PDE11A: variants seen among roughly 807,000 people sequenced by gnomAD.
PDE11A encodes dual 3',5'-cyclic-AMP and -GMP phosphodiesterase 11A.
Under a neutral mutation model 100.5 loss-of-function variants are expected in PDE11A, and 100 were observed. The ratio of observed to expected loss-of-function variants is 1.00; its 90% CI spans 0.85 to 1.18. The LOEUF is 1.18. PDE11A is among the 50% of genes most tolerant of loss of function. The pLI, the probability that PDE11A is intolerant of heterozygous loss-of-function variation, is 0.00. For missense variants in PDE11A, 1,141 were observed against 1,152.6 expected, an observed-to-expected ratio of 0.99 and a Z score of 0.15; for synonymous variants, 381 against 420.8, an observed-to-expected ratio of 0.91 and a Z score of 1.16.
chr2:178,037,702 TG>T (rs1048647504), intron 1 of PDE11A, among the ~76,000 whole-genome samples: 7 of 152,136 alleles, frequency 4.6e-5, no homozygotes, highest in Admixed American at 1.3e-4. Flanking sequence ...TAAAAAAGAA[TG>T]AATTCATGTC....
At chr2:177,742,823 G>C (rs1169113747) in intron 10 of PDE11A, among the ~76,000 whole-genome samples, 1 of 152,204 alleles carries the variant, frequency 6.6e-6, no homozygotes, top group Non-Finnish European at 1.5e-5. Flanking sequence ...CTGAAGAAAA[G>C]CTCCATTTCC....
intron 2 of PDE11A, among the ~76,000 whole-genome samples, chr2:178,100,993 TA>T (rs372769617): frequency 6.6e-6 from 1 of 152,250 alleles, no homozygotes; most frequent in East Asian, 1.9e-4. Flanking sequence ...GAAGATGAGT[TA>T]AAAACTGATC....
chr2:177,910,412 G>GTC (rs72413223), intron 2 of PDE11A, among the ~76,000 whole-genome samples: 16 of 146,036 alleles, frequency 1.1e-4, no homozygotes, highest in East Asian at 4.0e-4. Context: ...CTCTCTCTCT[G>GTC]TCTCTCTCTC....
intron 2 of PDE11A, among the ~76,000 whole-genome samples, chr2:177,914,424 T>C (rs1475057999): frequency 6.6e-6 from 1 of 152,160 alleles, no homozygotes; most frequent in African/African-American, 2.4e-5. Flanking sequence ...TGTGAAGATC[T>C]TTTACAAAGA....
intron 12 of PDE11A, among the ~76,000 whole-genome samples, chr2:177,712,498 G>C (rs531441646): frequency 1.3e-5 from 2 of 152,294 alleles, no homozygotes; most frequent in Admixed American, 1.3e-4. Flanking sequence ...GCATGTCATG[G>C]ACACCAGAAT....
intron 19 of PDE11A, among the ~76,000 whole-genome samples, chr2:177,659,780 CTT>C (rs111759646): frequency 0.053 from 7,817 of 148,630 alleles, 654 homozygotes; most frequent in African/African-American, 0.18. Flanking sequence ...CCTTCTTCTT[CTT>C]TTTTTTTTTC....
intron 18 of PDE11A, among the ~76,000 whole-genome samples, chr2:177,667,784 G>C (rs561576653): frequency 6.6e-6 from 1 of 152,278 alleles, no homozygotes; most frequent in East Asian, 1.9e-4. Flanking sequence ...CCGACACATG[G>C]AGGCACTCAG....
intron 5 of PDE11A, among the ~76,000 whole-genome samples, chr2:177,862,442 C>G (rs1329481829): frequency 6.6e-6 from 1 of 151,778 alleles, no homozygotes; most frequent in East Asian, 1.9e-4. Context: ...TCTGGAATCT[C>G]CTAAGATTCC....
At chr2:178,074,530 T>C (rs1006640328), upstream of PDE11A, among the ~76,000 whole-genome samples, 5 of 152,100 alleles carry the variant, frequency 3.3e-5, no homozygotes, top group African/African-American at 1.2e-4. Flanking sequence ...GTGAGAGAAG[T>C]AGACCAACCC....
chr2:177,912,157 C>A (rs1277417559), intron 2 of PDE11A, among the ~76,000 whole-genome samples: 1 of 152,096 alleles, frequency 6.6e-6, no homozygotes, highest in Non-Finnish European at 1.5e-5. Context: ...CAGAACACAT[C>A]CTAAAGCGTG....
intron 4 of PDE11A, among the ~76,000 whole-genome samples, chr2:177,881,372 TATCTATCTATCTATCC>T (rs896087398): frequency 2.0e-5 from 3 of 151,846 alleles, no homozygotes; most frequent in Admixed American, 1.3e-4. Flanking sequence ...TCTATCTATC[TATCTATCTATCTATCC>T]ATCTATCTAT....
chr2:177,761,618 G>T (rs954554942), intron 10 of PDE11A, among the ~76,000 whole-genome samples: 2 of 152,208 alleles, frequency 1.3e-5, no homozygotes, highest in Non-Finnish European at 2.9e-5. Context: ...AAAGGCAAAT[G>T]AGAAGGTCAC....
intron 9 of PDE11A, among the ~76,000 whole-genome samples, chr2:177,795,934 A>AATATATATATATATATATAT (rs1558942848): frequency 1.1e-4 from 4 of 35,370 alleles, no homozygotes; most frequent in Admixed American, 6.3e-4. Context: ...TTTTGTTTAA[A>AATATATATATATATATATAT]CTATATATAT....
chr2:177,939,513 AG>A (rs1296190563), intron 2 of PDE11A, among the ~76,000 whole-genome samples: 45 of 77,076 alleles, frequency 5.8e-4, no homozygotes, highest in Non-Finnish European at 7.1e-4. Flanking sequence ...GGAGGGAGGG[AG>A]GGAAGGGAGG....
At chr2:177,794,842 G>A (rs1472501205) in intron 9 of PDE11A, among the ~76,000 whole-genome samples, 1 of 152,070 alleles carries the variant, frequency 6.6e-6, no homozygotes, top group Non-Finnish European at 1.5e-5. Context: ...CTGGAGTGCA[G>A]TGTCACGATC....
At chr2:177,803,131 A>T (rs771015715) in intron 9 of PDE11A, among the ~76,000 whole-genome samples, 2 of 151,940 alleles carry the variant, frequency 1.3e-5, no homozygotes, top group Non-Finnish European at 2.9e-5. Context: ...ACTAAGCAAA[A>T]TATAGTCCAA....
At chr2:177,945,767 G>A (rs1217512774) in intron 2 of PDE11A, among the ~76,000 whole-genome samples, 9 of 151,098 alleles carry the variant, frequency 6.0e-5, no homozygotes, top group East Asian at 2.0e-4. Flanking sequence ...TGCCCCATCC[G>A]GGAGGGAGGT....
At chr2:177,955,031 T>G (rs1377123949) in intron 2 of PDE11A, among the ~76,000 whole-genome samples, 1 of 152,228 alleles carries the variant, frequency 6.6e-6, no homozygotes, top group African/African-American at 2.4e-5. Flanking sequence ...ATTCAATTTT[T>G]GGGAATTAGA....
chr2:177,676,957 C>T (rs73042837), intron 16 of PDE11A, among the ~76,000 whole-genome samples: 2 of 152,130 alleles, frequency 1.3e-5, no homozygotes, highest in African/African-American at 4.8e-5. Context: ...TATCACAAAG[C>T]TACCAGATGC....
Sources: gnomAD v4.1 joint callset for allele counts (sites outside exome capture counted in the v4.1 genomes callset) on GRCh38, gnomAD v4.1.1 for gene constraint, MANE v1.5 for transcripts, NCBI Gene and HGNC (gene_info 2026-07-23, HGNC 2026-07-21) for gene names.